Variants in SMARCAD1 observed in about 807,000 individuals in gnomAD.
SMARCAD1 encodes the protein SNF2 related chromatin remodeling ATPase with DExD box 1.
In SMARCAD1, 25 loss-of-function variants were observed where a neutral mutation model predicts 127.1. The ratio of observed to expected loss-of-function variants is 0.20; its 90% CI spans 0.14 to 0.27. The LOEUF (loss-of-function observed/expected upper bound fraction) is 0.27. Among genes scored for constraint, SMARCAD1 ranks in the 10% least tolerant of loss-of-function variants. The pLI is 1.00. For synonymous variants in SMARCAD1, 400 were observed against 396.9 expected (o/e 1.01, Z -0.09); for missense variants, 807 against 1,206.0 (o/e 0.67, Z 4.90).
At chr4:94,288,147 A>G (rs767311457) in intron 23 of SMARCAD1, among the ~76,000 whole-genome samples, 1 of 152,200 alleles carries the variant, frequency 6.6e-6, no homozygotes, top group African/African-American at 2.4e-5. Context: ...TATTTTCAAT[A>G]TCACAGCATA....
intron 3 of SMARCAD1, among the ~76,000 whole-genome samples, chr4:94,233,089 A>G (rs756113804): frequency 3.3e-5 from 5 of 152,234 alleles, no homozygotes; most frequent in African/African-American, 1.2e-4. Context: ...ATGAGTACAT[A>G]TAGAGAAATT....
intron 6 of SMARCAD1, among the ~76,000 whole-genome samples, chr4:94,245,015 G>A (rs1748201126): frequency 6.6e-6 from 1 of 152,200 alleles, no homozygotes; most frequent in Non-Finnish European, 1.5e-5. Flanking sequence ...ACATTGCAAT[G>A]TCATTGTTGA....
intron 10 of SMARCAD1, among the ~76,000 whole-genome samples, chr4:94,268,123 A>G (rs139556675): frequency 1.7e-4 from 26 of 152,302 alleles, no homozygotes; most frequent in Admixed American, 1.1e-3. Context: ...ATATATACAC[A>G]TTAATACTTT....
intron 2 of SMARCAD1, among the ~76,000 whole-genome samples, chr4:94,221,185 C>T (rs573095367): frequency 2.6e-5 from 4 of 152,294 alleles, no homozygotes; most frequent in African/African-American, 9.6e-5. Context: ...GATACTTAGA[C>T]ATTTCTGAGA....
At chr4:94,289,327 AG>A in intron 23 of SMARCAD1, 145 bp from the exon 24 acceptor site, 1 of 679,808 alleles carries the variant, frequency 1.5e-6, no homozygotes, top group South Asian at 1.8e-5. Flanking sequence ...AGCTTAGGAA[AG>A]TTTTTAACAG....
chr4:94,253,825 C>G (rs1166806569), intron 9 of SMARCAD1, among the ~76,000 whole-genome samples: 2 of 152,094 alleles, frequency 1.3e-5, no homozygotes, highest in Non-Finnish European at 2.9e-5. Flanking sequence ...TGCTTCAACC[C>G]TTACGTGGGC....
At chr4:94,273,775 G>A (rs1004769554) in intron 12 of SMARCAD1, 59 bp downstream of exon 12, 2 of 1,364,904 alleles carry the variant, frequency 1.5e-6, no homozygotes, top group Admixed American at 3.5e-5. Context: ...AGGTAGAAGA[G>A]AGTGTGTGTA....
chr4:94,262,381 C>T (rs1179913398), intron 9 of SMARCAD1, among the ~76,000 whole-genome samples: 1 of 152,188 alleles, frequency 6.6e-6, no homozygotes, highest in Non-Finnish European at 1.5e-5. Context: ...ATGGGTTCTA[C>T]CTCCTGAAGA....
At chr4:94,230,602 C>T (rs1244953881) in intron 3 of SMARCAD1, among the ~76,000 whole-genome samples, 1 of 152,110 alleles carries the variant, frequency 6.6e-6, no homozygotes, top group Admixed American at 6.6e-5. Context: ...TCTGACCTCA[C>T]CCCAGCAGAT....
At chr4:94,254,752 G>A (rs941113548) in intron 9 of SMARCAD1, among the ~76,000 whole-genome samples, 3 of 152,082 alleles carry the variant, frequency 2.0e-5, no homozygotes, top group African/African-American at 7.2e-5. Flanking sequence ...CTTGAGTTCA[G>A]TGAAGACAGC....
At chr4:94,213,905 G>A (rs1742705265) in intron 2 of SMARCAD1, among the ~76,000 whole-genome samples, 1 of 152,164 alleles carries the variant, frequency 6.6e-6, no homozygotes, top group Non-Finnish European at 1.5e-5. Flanking sequence ...ACTCATCAAT[G>A]TCCTAAGCAG....
At chr4:94,219,846 A>G (rs1179132620) in intron 2 of SMARCAD1, among the ~76,000 whole-genome samples, 4 of 152,188 alleles carry the variant, frequency 2.6e-5, no homozygotes, top group Non-Finnish European at 4.4e-5. Flanking sequence ...CAAAAGGGCA[A>G]GTTGAACTGT....
At chr4:94,278,775 G>A in intron 18 of SMARCAD1, 42 bp downstream of exon 18, 5 of 1,597,862 alleles carry the variant, frequency 3.1e-6, no homozygotes, top group Non-Finnish European at 4.3e-6. Flanking sequence ...AAAGAATCTT[G>A]TACTGGGGAT....
intron 16 of SMARCAD1, 102 bp from the exon 17 acceptor site, chr4:94,278,320 C>A: frequency 1.9e-6 from 2 of 1,026,320 alleles, no homozygotes; most frequent in Non-Finnish European, 3.0e-6. Flanking sequence ...CAGAAAATAA[C>A]TCAGACTCTA....
intron 3 of SMARCAD1, among the ~76,000 whole-genome samples, chr4:94,231,814 T>C (rs931719783): frequency 6.6e-6 from 1 of 152,098 alleles, no homozygotes; most frequent in African/African-American, 2.4e-5. Context: ...CCTTTTCTGC[T>C]TCTCTAAAGA....
At chr4:94,223,960 C>T (rs1744599032) in intron 2 of SMARCAD1, among the ~76,000 whole-genome samples, 2 of 151,948 alleles carry the variant, frequency 1.3e-5, no homozygotes, top group Non-Finnish European at 2.9e-5. Flanking sequence ...CTTTAGTTCT[C>T]ATTTTTAATA....
Position 94,290,860 on chromosome 4 carries a change from C to A in SMARCAD1, c.*1326C>A. The stretch of plus-strand genomic sequence containing the variant: ...TTGGAAATCATGCTTTTCAAAGCAT[C>A]CTAACTTGCTAAGATGCTAGGTAGT... On this transcript the variant is annotated 3_prime_UTR_variant, in exon 24 of 24. Coordinates refer to ENST00000354268, the MANE Select transcript of SMARCAD1 (RefSeq NM_020159.5). 1 of 448,850 alleles carries A rather than the reference C, an allele frequency of 2.2e-6. No homozygotes were observed. The highest frequency in any genetic ancestry group is 1.6e-5 in the South Asian group (1 of 62,176). 27.8% of individuals were successfully genotyped at this position (448,850 alleles called of 1,614,324 possible). A position where few individuals can be genotyped will look rare whatever the true frequency, so the allele number is the denominator to read the frequency against.
chr4:94,257,382 A>G (rs1750266308), intron 9 of SMARCAD1, among the ~76,000 whole-genome samples: 1 of 152,152 alleles, frequency 6.6e-6, no homozygotes, highest in Admixed American at 6.5e-5. Flanking sequence ...TGTAAGCAGG[A>G]TCATCTTTTC....
intron 6 of SMARCAD1, among the ~76,000 whole-genome samples, chr4:94,244,634 T>G (rs1351437113): frequency 6.6e-6 from 1 of 152,184 alleles, no homozygotes. Flanking sequence ...AAAGATATTG[T>G]TAACGTCAGC....
Sources: gnomAD v4.1 joint callset for allele counts (sites outside exome capture counted in the v4.1 genomes callset) on GRCh38, gnomAD v4.1.1 for gene constraint, MANE v1.5 for transcripts, NCBI Gene and HGNC (gene_info 2026-07-23, HGNC 2026-07-21) for gene names.